EFR3A: variants seen among roughly 807,000 people sequenced by gnomAD.
The protein encoded by EFR3A is EFR3 homolog A, also known as protein EFR3 homolog A.
In EFR3A, 76 loss-of-function variants were observed where a neutral mutation model predicts 104.4. That is an observed-to-expected ratio of 0.73 (90% confidence interval 0.60 to 0.88). The LOEUF is 0.88. Ranked by LOEUF, EFR3A falls within the 40% of genes least tolerant of loss-of-function variation. The probability of loss-of-function intolerance (pLI) is 0.00; values close to 1 mark genes in which losing one functional copy is unlikely to be tolerated. For synonymous variants in EFR3A, 330 were observed against 330.0 expected (o/e 1.00, Z 0.00); for missense variants, 985 against 1,012.5 (o/e 0.97, Z 0.37).
rs1478846975 is a variant in EFR3A, at chr8:131,996,495, G to A, written c.2155G>A (p.Val719Met). The A allele has an allele frequency of 2.5e-6, 4 of 1,586,652 alleles. No homozygotes were observed. Among genetic ancestry groups the A allele is most frequent in the African/African-American group, 1.4e-5 (1 of 74,034 alleles). Residue 719 changes from valine (V) to methionine (M), a missense_variant and splice_region_variant, in exon 19 of 23, where the codon GTG becomes ATG. Transcript: ENST00000254624. ...ATCCAACAATGTTCCTTCTGATGAT[G>A]TGGTAAGTTACTGAAAGTTTATGGT... The part of the protein sequence containing the change: ...ILSNNVPSDD[V>M]VSNTEEITFE...
At chr8:132,009,243 T>C (rs1262609138) in intron 22 of EFR3A, among the ~76,000 whole-genome samples, 3 of 152,104 alleles carry the variant, frequency 2.0e-5, no homozygotes, top group Admixed American at 6.6e-5. Context: ...ATGAAGAAAC[T>C]ATATATCTCT....
chr8:132,002,472 T>C (rs1821830755), intron 20 of EFR3A, 131 bp from the exon 21 acceptor site: 5 of 684,842 alleles, frequency 7.3e-6, no homozygotes, highest in Non-Finnish European at 1.2e-5. Context: ...GGCCTTTTTA[T>C]TTTTTTCTTA....
At chr8:131,930,393 C>A (rs1048446106) in intron 1 of EFR3A, among the ~76,000 whole-genome samples, 2 of 151,060 alleles carry the variant, frequency 1.3e-5, no homozygotes, top group African/African-American at 2.4e-5. Context: ...GTTCTCTAGC[C>A]ATTGCATGTA....
chr8:131,970,545 A>G lies in EFR3A; in HGVS notation c.1061A>G (p.Asn354Ser), dbSNP rs779071773. Residue 354 changes from asparagine to serine, a missense_variant, in exon 10 of 23, where the codon AAT (asparagine) becomes AGT (serine). Coordinates refer to ENST00000254624, the MANE Select transcript of EFR3A (RefSeq NM_015137.6). ...HLRLSVEFEA[N>S]DLQGGSVGSV... Reference sequence around the variant, plus strand: ...CGTCTCAGCGTTGAATTCGAAGCAAATGATTTACAGGGGGGATCTGTAGGC... The same window carrying G: ...CGTCTCAGCGTTGAATTCGAAGCAAGTGATTTACAGGGGGGATCTGTAGGC... 1.2e-6 allele frequency: 2 copies of G among 1,613,900 alleles called. No homozygotes were observed. The highest frequency in any genetic ancestry group is 2.2e-5 in the South Asian group (2 of 91,084).
At chr8:131,990,055 T>C (rs1458758467) in intron 18 of EFR3A, among the ~76,000 whole-genome samples, 1 of 152,194 alleles carries the variant, frequency 6.6e-6, no homozygotes, top group Non-Finnish European at 1.5e-5. Context: ...CATACAGTTA[T>C]TTAAGTATTA....
chr8:131,928,176 A>G (rs1817399918), intron 1 of EFR3A, among the ~76,000 whole-genome samples: 1 of 151,580 alleles, frequency 6.6e-6, no homozygotes, highest in African/African-American at 2.4e-5. Context: ...AATACTTAAA[A>G]TGTTCTTTGA....
chr8:131,958,743 C>T (rs1319793887), intron 7 of EFR3A, among the ~76,000 whole-genome samples: 1 of 152,132 alleles, frequency 6.6e-6, no homozygotes, highest in East Asian at 1.9e-4. Flanking sequence ...ACTCATTCAA[C>T]CTCTCTGAGC....
intron 19 of EFR3A, 62 bp downstream of exon 19, chr8:131,996,559 T>G: frequency 8.9e-7 from 1 of 1,119,160 alleles, no homozygotes; most frequent in Non-Finnish European, 1.2e-6. Flanking sequence ...AAAGAATTTT[T>G]TGCCTTCCAC....
intron 8 of EFR3A, 46 bp from the exon 9 acceptor site, chr8:131,968,249 G>A (rs748204980): frequency 1.9e-6 from 3 of 1,584,802 alleles, no homozygotes; most frequent in Non-Finnish European, 1.7e-6. Flanking sequence ...TTCTGCCAAG[G>A]TACATGTACT....
chr8:132,010,432 A>C (rs1586692122), intron 22 of EFR3A, among the ~76,000 whole-genome samples: 2 of 128,574 alleles, frequency 1.6e-5, no homozygotes, highest in African/African-American at 5.5e-5. Flanking sequence ...ATATATATAT[A>C]TATATATATA....
intron 1 of EFR3A, among the ~76,000 whole-genome samples, chr8:131,935,035 G>A (rs1296222978): frequency 6.6e-6 from 1 of 152,140 alleles, no homozygotes; most frequent in East Asian, 1.9e-4. Context: ...AGTTCTTGAA[G>A]TGGTTAATTT....
chr8:131,969,471 T>C (rs1819930744), intron 9 of EFR3A, among the ~76,000 whole-genome samples: 2 of 151,990 alleles, frequency 1.3e-5, no homozygotes, highest in Non-Finnish European at 2.9e-5. Flanking sequence ...CCTAATGCAG[T>C]GTAAATGCTA....
intron 10 of EFR3A, among the ~76,000 whole-genome samples, chr8:131,975,098 G>T (rs1029019815): frequency 6.6e-6 from 1 of 152,132 alleles, no homozygotes; most frequent in South Asian, 2.1e-4. Flanking sequence ...AAAAGCTACA[G>T]CAGATAAATT....
chr8:131,932,290 C>T (rs865983110), intron 1 of EFR3A, among the ~76,000 whole-genome samples: 1 of 152,024 alleles, frequency 6.6e-6, no homozygotes, highest in African/African-American at 2.4e-5. Context: ...TTAGTTGTCT[C>T]AAAATAATTT....
rs553523366 is a variant in EFR3A at position 131,933,235 on chromosome 8, G to A, written c.11-7264G>A. Among the ~76,000 whole-genome samples, 96 of 152,238 alleles carry A rather than the reference G, an allele frequency of 6.3e-4. 1 individual carries two copies. The highest frequency in any genetic ancestry group is 3.4e-3 in the Middle Eastern group (1 of 294). ...CTCTGTAGATTGGGACACCGGGGCG[G>A]TATAGTCTTCTTGCCAAGACTCTTC... On this transcript the variant is annotated intron_variant, in intron 1 of 22. Transcript: ENST00000254624.
At chr8:131,909,837 A>G (rs749151473) in intron 1 of EFR3A, among the ~76,000 whole-genome samples, 11 of 152,210 alleles carry the variant, frequency 7.2e-5, no homozygotes, top group East Asian at 3.9e-4. Context: ...GATATTGCCA[A>G]ATGTTCTCTG....
chr8:132,009,218 G>C (rs1004592110), intron 22 of EFR3A, among the ~76,000 whole-genome samples: 1 of 151,992 alleles, frequency 6.6e-6, no homozygotes, highest in Non-Finnish European at 1.5e-5. Flanking sequence ...ATTCAAAGAA[G>C]TATATAAGAC....
chr8:131,976,116 C>T lies in EFR3A; in HGVS notation c.1249C>T (p.His417Tyr). The change falls in exon 11 of 23, where the codon CAT (histidine) becomes TAT (tyrosine). Residue 417 changes from histidine to tyrosine, a missense_variant. Coordinates refer to ENST00000254624, the MANE Select transcript of EFR3A (RefSeq NM_015137.6). ...GKVPVFGTSTHTLDISQLGDL... is the reference protein window; with the variant it reads ...GKVPVFGTSTYTLDISQLGDL... ...AGTACCTGTCTTTGGAACATCTACC[C>T]ATACTTTGGATATCAGTCAACTAGG... The T allele has an allele frequency of 6.3e-7, 1 of 1,597,658 alleles. No homozygotes were observed. The highest frequency in any genetic ancestry group is 8.5e-7 in the Non-Finnish European group (1 of 1,170,018).
At chr8:131,912,891 A>G (rs1341024579) in intron 1 of EFR3A, among the ~76,000 whole-genome samples, 1 of 152,074 alleles carries the variant, frequency 6.6e-6, no homozygotes, top group Non-Finnish European at 1.5e-5. Context: ...TCTGATTGCT[A>G]TCATGTAAAA....
Sources: allele counts gnomAD v4.1 joint callset (sites outside exome capture counted in the v4.1 genomes callset), GRCh38; gene constraint gnomAD v4.1.1; transcripts MANE v1.5; gene names NCBI Gene and HGNC (gene_info 2026-07-23, HGNC 2026-07-21).